FBXO4: variants seen among roughly 807,000 people sequenced by gnomAD.
FBXO4 encodes F-box only protein 4.
In FBXO4, 36 loss-of-function variants were observed where a neutral mutation model predicts 43.7. The ratio of observed to expected loss-of-function variants is 0.82; its 90% CI spans 0.63 to 1.09. The LOEUF (loss-of-function observed/expected upper bound fraction) is 1.09, where lower values mean the gene tolerates loss of function less well. Ranked by LOEUF, FBXO4 falls within the 50% of genes least tolerant of loss-of-function variation. The pLI, the probability that FBXO4 is intolerant of heterozygous loss-of-function variation, is 0.00. For synonymous variants in FBXO4, 180 were observed against 165.6 expected (o/e 1.09, Z -0.67); for missense variants, 435 against 474.1 (o/e 0.92, Z 0.77).
the FBXO4 span, among the ~76,000 whole-genome samples, chr5:42,000,890 G>A: frequency 6.6e-6 from 1 of 152,102 alleles, no homozygotes; most frequent in Non-Finnish European, 1.5e-5. Flanking sequence ...GACTGTAAAT[G>A]TGTGTTCTTA....
At chr5:41,967,411 G>C in the FBXO4 span, 3 of 541,656 alleles carry the variant, frequency 5.5e-6, no homozygotes, top group Non-Finnish European at 7.2e-6. Context: ...TATTTGCTGT[G>C]ATCAGATTTG....
the FBXO4 span, among the ~76,000 whole-genome samples, chr5:41,988,902 A>G: frequency 2.0e-5 from 3 of 152,204 alleles, no homozygotes; most frequent in African/African-American, 7.2e-5. Flanking sequence ...GAAGATCTGA[A>G]AACAAAATTA....
chr5:42,010,085 AG>A, the FBXO4 span, among the ~76,000 whole-genome samples: 14 of 152,200 alleles, frequency 9.2e-5, no homozygotes, highest in African/African-American at 3.1e-4. Flanking sequence ...CATAATTATA[AG>A]GTACCTTGAT....
At chr5:41,993,618 G>GAGATAT in the FBXO4 span, among the ~76,000 whole-genome samples, 39 of 136,672 alleles carry the variant, frequency 2.9e-4, 1 homozygote, top group African/African-American at 9.3e-4. Context: ...GAACTAATAG[G>GAGATAT]ATATATATAT....
At chr5:42,033,378 T>A in the FBXO4 span, among the ~76,000 whole-genome samples, 1 of 152,122 alleles carries the variant, frequency 6.6e-6, no homozygotes, top group African/African-American at 2.4e-5. Flanking sequence ...TCAGTGGTGA[T>A]GTTTTTTTAA....
the FBXO4 span, among the ~76,000 whole-genome samples, chr5:41,997,846 G>C: frequency 2.0e-5 from 3 of 152,138 alleles, no homozygotes; most frequent in Non-Finnish European, 2.9e-5. Flanking sequence ...TAAATTGTTG[G>C]TAGTGTAGTG....
intron 3 of FBXO4, 105 bp downstream of exon 3, chr5:41,930,022 A>C (rs1751633566): frequency 2.1e-6 from 2 of 967,524 alleles, no homozygotes; most frequent in Non-Finnish European, 3.0e-6. Flanking sequence ...ATAATGAAGT[A>C]CAGTACTTTG....
the FBXO4 span, among the ~76,000 whole-genome samples, chr5:42,033,383 T>C: frequency 6.6e-6 from 1 of 152,172 alleles, no homozygotes; most frequent in African/African-American, 2.4e-5. Context: ...GGTGATGTTT[T>C]TTTAAAATTT....
the FBXO4 span, among the ~76,000 whole-genome samples, chr5:42,022,688 A>G: frequency 1.3e-5 from 2 of 152,024 alleles, no homozygotes; most frequent in African/African-American, 4.8e-5. Context: ...GTGAGGTTGG[A>G]TATTTTTGTT....
At chr5:41,944,706 C>T (rs570611907), downstream of FBXO4, among the ~76,000 whole-genome samples, 8 of 152,284 alleles carry the variant, frequency 5.3e-5, no homozygotes, top group South Asian at 1.7e-3. Context: ...TATGCCAGGT[C>T]TTGTGCAGTT....
the FBXO4 span, among the ~76,000 whole-genome samples, chr5:41,963,039 A>G: frequency 6.6e-6 from 1 of 152,290 alleles, no homozygotes; most frequent in Admixed American, 6.5e-5. Flanking sequence ...ATTTTTTTCA[A>G]ACCATGACTT....
At chr5:41,968,630 T>C in the FBXO4 span, among the ~76,000 whole-genome samples, 1 of 152,194 alleles carries the variant, frequency 6.6e-6, no homozygotes, top group African/African-American at 2.4e-5. Context: ...AAAACATTCA[T>C]TTTAAACTAA....
the FBXO4 span, among the ~76,000 whole-genome samples, chr5:41,959,874 T>C: frequency 6.6e-6 from 1 of 152,022 alleles, no homozygotes; most frequent in South Asian, 2.1e-4. Flanking sequence ...AATTTTAGGA[T>C]TTTTTTTCTA....
chr5:41,977,980 G>A, the FBXO4 span, among the ~76,000 whole-genome samples: 1 of 152,098 alleles, frequency 6.6e-6, no homozygotes, highest in Non-Finnish European at 1.5e-5. Context: ...AGTTACAACT[G>A]GGTCATTTAT....
At chr5:41,992,449 C>T in the FBXO4 span, among the ~76,000 whole-genome samples, 1 of 152,132 alleles carries the variant, frequency 6.6e-6, no homozygotes, top group Non-Finnish European at 1.5e-5. Flanking sequence ...CCCTTACCTT[C>T]CATTGCTAAA....
chr5:41,976,439 AG>A, the FBXO4 span, among the ~76,000 whole-genome samples: 2 of 152,344 alleles, frequency 1.3e-5, no homozygotes, highest in East Asian at 3.9e-4. Flanking sequence ...TTCCAAGATA[AG>A]ATGGTATTAT....
At chr5:41,973,957 A>G in the FBXO4 span, among the ~76,000 whole-genome samples, 24 of 152,160 alleles carry the variant, frequency 1.6e-4, no homozygotes, top group African/African-American at 5.3e-4. Flanking sequence ...TTTATTTTAG[A>G]AAGTCTTTAT....
At chr5:41,984,456 G>C in the FBXO4 span, among the ~76,000 whole-genome samples, 1 of 152,102 alleles carries the variant, frequency 6.6e-6, no homozygotes, top group Admixed American at 6.5e-5. Context: ...TGTGGTAGTT[G>C]GTCATGTGTT....
At chr5:41,931,941 T>G (rs1751699400) in intron 3 of FBXO4, among the ~76,000 whole-genome samples, 1 of 152,184 alleles carries the variant, frequency 6.6e-6, no homozygotes, top group African/African-American at 2.4e-5. Flanking sequence ...GATATGGCAT[T>G]GGGAGTTAAG....
Sources: gnomAD v4.1 joint callset for allele counts (sites outside exome capture counted in the v4.1 genomes callset) on GRCh38, gnomAD v4.1.1 for gene constraint, MANE v1.5 for transcripts, NCBI Gene and HGNC (gene_info 2026-07-23, HGNC 2026-07-21) for gene names.